SLC36A4: variants seen among roughly 807,000 people sequenced by gnomAD.
SLC36A4 encodes solute carrier family 36 member 4.
SLC36A4 carries 49 observed loss-of-function variants against 50.5 expected under a neutral mutation model. The ratio of observed to expected loss-of-function variants is 0.97; its 90% confidence interval spans 0.77 to 1.23. The LOEUF (loss-of-function observed/expected upper bound fraction) is 1.23, where lower values mean the gene tolerates loss of function less well. Among genes scored for constraint, SLC36A4 ranks in the 50% most tolerant of loss-of-function variants. SLC36A4 has a pLI of 0.00. For missense variants in SLC36A4, 611 were observed against 608.4 expected, an observed-to-expected ratio of 1.00 and a Z score of -0.05; for synonymous variants, 207 against 206.5, an observed-to-expected ratio of 1.00 and a Z score of -0.02.
At chr11:93,176,149 A>G (rs1861459345) in intron 6 of SLC36A4, among the ~76,000 whole-genome samples, 1 of 151,456 alleles carries the variant, frequency 6.6e-6, no homozygotes, top group Admixed American at 6.6e-5. Flanking sequence ...GGGTGCATAT[A>G]TATTTAGGAT....
chr11:93,162,476 T>G (rs993466343), intron 9 of SLC36A4, among the ~76,000 whole-genome samples: 9 of 152,028 alleles, frequency 5.9e-5, no homozygotes, highest in Non-Finnish European at 1.2e-4. Context: ...GCCTGGCTAA[T>G]TTTTGTATTT....
At chr11:93,181,817 A>G in intron 4 of SLC36A4, 31 bp from the exon 5 acceptor site, 6 of 1,506,734 alleles carry the variant, frequency 4.0e-6, no homozygotes, top group Non-Finnish European at 5.3e-6. Context: ...TACAAAGGAA[A>G]AAAGAAAAAT....
At chr11:93,175,000 T>C (rs902279850) in intron 6 of SLC36A4, among the ~76,000 whole-genome samples, 2 of 151,884 alleles carry the variant, frequency 1.3e-5, no homozygotes, top group African/African-American at 4.8e-5. Flanking sequence ...TTCTATTGAT[T>C]GGAATACTTT....
At position 93,193,049 on chromosome 11, in the gene SLC36A4, C is replaced by A. The variant is rs1037866426; in HGVS notation, c.55+4729G>T. On this transcript the variant is annotated intron_variant, in intron 1 of 10. Transcript: ENST00000326402. ...GGCACATAAATAAGTAATCAATAAA[C>A]ACTTTTTTTGTCTTCCTCCATATAT... 1.5e-5 allele frequency: 10 copies of A among 678,520 alleles called. No individual in the cohort carries two copies. In the African/African-American group the frequency reaches 1.7e-4, roughly 12 times the overall value. 42.0% of individuals were successfully genotyped at this position (678,520 alleles called of 1,614,324 possible). A position where few individuals can be genotyped will look rare whatever the true frequency, so the allele number is the denominator to read the frequency against.
In SLC36A4 at chr11:93,162,966, C is replaced by T. The variant is rs1374289813; in HGVS notation, c.868-91G>A. Reference sequence around the variant, plus strand: ...ATACATACAAATTGGTTGTTTATAGCCTATATGCAAATTTTTTTCCTTTAA... The same window carrying T: ...ATACATACAAATTGGTTGTTTATAGTCTATATGCAAATTTTTTTCCTTTAA... On this transcript the variant is annotated intron_variant, in intron 8 of 10. Coordinates refer to ENST00000326402, the MANE Select transcript of SLC36A4 (RefSeq NM_152313.4). The T allele has an allele frequency of 9.5e-6, 11 of 1,157,834 alleles. No homozygotes were observed. The East Asian group carries it at 2.8e-4, about 30-fold the overall frequency. The allele number at this position is 1,157,834 out of a possible 1,614,324, so 71.7% of individuals were successfully genotyped here.
rs541427381 is a variant in SLC36A4 at position 93,171,180 on chromosome 11, C to T, written c.541-3009G>A. The T allele has an allele frequency of 2.6e-5, 4 of 152,006 alleles. No individual in the cohort carries two copies. The South Asian group carries it at 8.3e-4, about 32-fold the overall frequency. 9.4% of individuals were successfully genotyped at this position (152,006 alleles called of 1,614,324 possible). On this transcript the variant is annotated intron_variant, in intron 6 of 10. Transcript: ENST00000326402. ...AAAAGGACTTTTACCTTTCTATCTA[C>T]AGCAGGCATTCTCCTTACCTCCAGA... is the stretch of plus-strand genomic sequence containing the variant.
intron 6 of SLC36A4, among the ~76,000 whole-genome samples, chr11:93,172,736 A>G (rs371072853): frequency 1.1e-4 from 14 of 129,662 alleles, no homozygotes; most frequent in African/African-American, 2.9e-4. Flanking sequence ...GAGAATGATG[A>G]TTTCCAATTT....
chr11:93,182,310 TAAC>T (rs1290717923), intron 4 of SLC36A4: 3 of 865,772 alleles, frequency 3.5e-6, no homozygotes, highest in Non-Finnish European at 4.2e-6. Context: ...TAAGAGTATA[TAAC>T]AACAACAAAA....
At chr11:93,163,659 T>TC (rs1860730751) in intron 8 of SLC36A4, among the ~76,000 whole-genome samples, 1 of 152,128 alleles carries the variant, frequency 6.6e-6, no homozygotes, top group African/African-American at 2.4e-5. Flanking sequence ...TTACTTTTAT[T>TC]CCCTCTCATC....
At chr11:93,165,027 A>C (rs1264792342) in intron 8 of SLC36A4, among the ~76,000 whole-genome samples, 10 of 152,196 alleles carry the variant, frequency 6.6e-5, no homozygotes, top group Admixed American at 3.3e-4. Context: ...CAAACATGAA[A>C]ATCTGTAGTT....
At chr11:93,159,844 T>C in intron 9 of SLC36A4, 15 of 985,412 alleles carry the variant, frequency 1.5e-5, no homozygotes, top group African/African-American at 1.7e-5. Flanking sequence ...AATCTTTTCT[T>C]GCAGAAATAA....
In SLC36A4 at chr11:93,159,986, C is replaced by T. The variant is rs1272320861; in HGVS notation, c.1037+2720G>A. On this transcript the variant is annotated intron_variant, in intron 9 of 10. Coordinates refer to ENST00000326402, the MANE Select transcript of SLC36A4 (RefSeq NM_152313.4). ...TTTCATACTCTGCCAATAGAGTACA[C>T]TGCACAATCTCTAACTTTCGAGGCC... The T allele has an allele frequency of 4.1e-6, 4 of 985,300 alleles. No homozygotes were observed. In the African/African-American group the frequency reaches 7.0e-5, roughly 17 times the overall value. The allele number at this position is 985,300 out of a possible 1,614,324, so 61.0% of individuals were successfully genotyped here.
chr11:93,174,562 C>G (rs1279539997), intron 6 of SLC36A4, among the ~76,000 whole-genome samples: 1 of 136,926 alleles, frequency 7.3e-6, no homozygotes, highest in Non-Finnish European at 1.6e-5. Context: ...TTTGCCCATT[C>G]AGTATGATGT....
At chr11:93,181,487 C>A (rs1861729744) in intron 5 of SLC36A4, among the ~76,000 whole-genome samples, 1 of 151,808 alleles carries the variant, frequency 6.6e-6, no homozygotes, top group African/African-American at 2.4e-5. Flanking sequence ...AAAAACAAAC[C>A]ACAATGATAA....
At position 93,180,881 on chromosome 11, in the gene SLC36A4, C is replaced by G. The variant is rs776532273; in HGVS notation, c.456G>C (p.Arg152=). 2.5e-6 allele frequency: 4 copies of G among 1,607,690 alleles called. No homozygotes were observed. Among genetic ancestry groups the G allele is most frequent in the African/African-American group, 1.3e-5 (1 of 74,826 alleles). ...TCACCAGAAAAAAGTCAACCACACT[C>G]CTGAAAAAAGATATCCACAAATGAG... ...SCLQKQAAWG[R]SVVDFFLVIT... The change falls in exon 6 of 11, where the codon CGG becomes CGC. Residue 152 remains arginine, a splice_region_variant and synonymous_variant. Transcript: ENST00000326402.
intron 6 of SLC36A4, among the ~76,000 whole-genome samples, chr11:93,175,316 C>T (rs373722323): frequency 1.8e-4 from 28 of 151,378 alleles, no homozygotes; most frequent in African/African-American, 3.1e-4. Context: ...TTTTTTATTG[C>T]GTCTATTTGA....
chr11:93,160,871 C>T, intron 9 of SLC36A4: 1 of 637,968 alleles, frequency 1.6e-6, no homozygotes, highest in Non-Finnish European at 2.0e-6. Flanking sequence ...GACAAAATGT[C>T]TCTCTGTTTC....
rs1019122717 is a variant in SLC36A4, at chr11:93,160,017, T to C, written c.1037+2689A>G. ...AATCTCTAACTTTCGAGGCCTCTTGTGTGAAGCACAGGAAAGAAGTGAAAG... is the reference window on the plus strand; with the variant it reads ...AATCTCTAACTTTCGAGGCCTCTTGCGTGAAGCACAGGAAAGAAGTGAAAG... On this transcript the variant is annotated intron_variant, in intron 9 of 10. Transcript: ENST00000326402. 4.1e-6 allele frequency: 4 copies of C among 985,438 alleles called. No homozygotes were observed. In the East Asian group the frequency reaches 4.5e-4, roughly 112 times the overall value. 61.0% of individuals were successfully genotyped at this position (985,438 alleles called of 1,614,324 possible). A position where few individuals can be genotyped will look rare whatever the true frequency, so the allele number is the denominator to read the frequency against.
At chr11:93,181,594 C>T in intron 5 of SLC36A4, 97 bp downstream of exon 5, 1 of 946,018 alleles carries the variant, frequency 1.1e-6, no homozygotes, top group Non-Finnish European at 1.4e-6. Context: ...TATTCCCCAA[C>T]TTTATCATAT....
Sources: gnomAD v4.1 joint callset for allele counts (sites outside exome capture counted in the v4.1 genomes callset) on GRCh38, gnomAD v4.1.1 for gene constraint, MANE v1.5 for transcripts, NCBI Gene and HGNC (gene_info 2026-07-23, HGNC 2026-07-21) for gene names.